Variants in TENM2 observed in about 807,000 individuals in gnomAD.
The protein encoded by TENM2 is teneurin transmembrane protein 2, also known as teneurin-2.
In TENM2, 52 loss-of-function variants were observed where a neutral mutation model predicts 245.2. That is an observed-to-expected ratio of 0.21 (90% CI 0.17 to 0.27). The LOEUF (loss-of-function observed/expected upper bound fraction) is 0.27. Among genes scored for constraint, TENM2 ranks in the 10% least tolerant of loss-of-function variants. The pLI, the probability that TENM2 is intolerant of heterozygous loss-of-function variation, is 1.00. For missense variants in TENM2, 3,046 were observed against 3,666.8 expected, an observed-to-expected ratio of 0.83 and a Z score of 4.37; for synonymous variants, 1,363 against 1,438.9, an observed-to-expected ratio of 0.95 and a Z score of 1.19.
chr5:167,438,618 C>T (rs998213502), intron 2 of TENM2, among the ~76,000 whole-genome samples: 2 of 152,056 alleles, frequency 1.3e-5, no homozygotes, highest in African/African-American at 2.4e-5. Flanking sequence ...AGGATGGTCT[C>T]GATCTCCTGA....
intron 2 of TENM2, among the ~76,000 whole-genome samples, chr5:167,640,874 T>TATATATATATATCC (rs1779539055): frequency 3.8e-5 from 2 of 53,014 alleles, no homozygotes; most frequent in South Asian, 6.2e-4. Context: ...TATATATATA[T>TATATATATATATCC]ATATATATAT....
intron 2 of TENM2, among the ~76,000 whole-genome samples, chr5:167,745,222 G>C (rs989159328): frequency 7.2e-5 from 11 of 152,214 alleles, no homozygotes; most frequent in African/African-American, 2.2e-4. Context: ...GGCTACCCCT[G>C]ATGGAGGCAA....
At chr5:167,502,885 A>G (rs1769299570) in intron 2 of TENM2, among the ~76,000 whole-genome samples, 1 of 152,202 alleles carries the variant, frequency 6.6e-6, no homozygotes, top group Non-Finnish European at 1.5e-5. Flanking sequence ...TGTATACACC[A>G]GCTTTTGAGA....
At chr5:168,068,014 T>C (rs975790633) in intron 7 of TENM2, among the ~76,000 whole-genome samples, 1 of 152,172 alleles carries the variant, frequency 6.6e-6, no homozygotes, top group Non-Finnish European at 1.5e-5. Context: ...CCTTGGTTTC[T>C]TCTGAACTGG....
chr5:167,045,104 C>A, the TENM2 span, among the ~76,000 whole-genome samples: 1 of 152,108 alleles, frequency 6.6e-6, no homozygotes, highest in East Asian at 1.9e-4. Flanking sequence ...AGCACAGATG[C>A]AAGCCTGCAT....
At chr5:167,089,957 G>T in the TENM2 span, among the ~76,000 whole-genome samples, 1 of 152,096 alleles carries the variant, frequency 6.6e-6, no homozygotes, top group Non-Finnish European at 1.5e-5. Flanking sequence ...TAGCTCAGGG[G>T]AGGAGCTACT....
chr5:167,567,388 C>T (rs1773972875), intron 2 of TENM2, among the ~76,000 whole-genome samples: 2 of 152,036 alleles, frequency 1.3e-5, no homozygotes, highest in African/African-American at 4.8e-5. Context: ...AGGTTTCTTC[C>T]ACAATGTTCT....
At chr5:168,239,692 T>G (rs1321797380) in intron 25 of TENM2, among the ~76,000 whole-genome samples, 3 of 152,234 alleles carry the variant, frequency 2.0e-5, no homozygotes, top group Admixed American at 6.5e-5. Flanking sequence ...TCATCCTTAT[T>G]ATGATAGTCA....
chr5:168,166,021 A>G (rs569030706), intron 13 of TENM2: 1 of 152,156 alleles, frequency 6.6e-6, no homozygotes, highest in South Asian at 2.1e-4. Context: ...TTTGCTGTTT[A>G]TTGATAAATA....
intron 2 of TENM2, among the ~76,000 whole-genome samples, chr5:167,523,334 A>C (rs1028638152): frequency 6.6e-6 from 1 of 152,130 alleles, no homozygotes; most frequent in Non-Finnish European, 1.5e-5. Flanking sequence ...CACGTGCATC[A>C]TTTCTGTGGG....
the TENM2 span, among the ~76,000 whole-genome samples, chr5:167,186,236 A>C: frequency 6.6e-6 from 1 of 152,172 alleles, no homozygotes; most frequent in African/African-American, 2.4e-5. Flanking sequence ...CATTTCAACA[A>C]AGAGAGGAAA....
chr5:167,210,226 A>G, the TENM2 span, among the ~76,000 whole-genome samples: 4 of 152,196 alleles, frequency 2.6e-5, no homozygotes, highest in Non-Finnish European at 5.9e-5. Context: ...TGCTTGATAC[A>G]AGACTGGAAC....
the TENM2 span, among the ~76,000 whole-genome samples, chr5:167,019,678 C>T: frequency 1.3e-5 from 2 of 151,874 alleles, no homozygotes; most frequent in Non-Finnish European, 2.9e-5. Flanking sequence ...CCATGTTGGC[C>T]CAGGTGGTCT....
chr5:167,247,015 A>T, the TENM2 span, among the ~76,000 whole-genome samples: 1 of 152,172 alleles, frequency 6.6e-6, no homozygotes, highest in Admixed American at 6.6e-5. Context: ...ATGATTGAAT[A>T]AAGCATAATT....
chr5:167,040,258 T>C, the TENM2 span, among the ~76,000 whole-genome samples: 1 of 152,036 alleles, frequency 6.6e-6, no homozygotes, highest in African/African-American at 2.4e-5. Context: ...TTCAGTGTAG[T>C]GCTCAGACCT....
chr5:167,926,024 G>A (rs779374811), intron 3 of TENM2, among the ~76,000 whole-genome samples: 1 of 152,126 alleles, frequency 6.6e-6, no homozygotes, highest in African/African-American at 2.4e-5. Flanking sequence ...ACGCCTGGGT[G>A]ATGAAATAAT....
intron 2 of TENM2, among the ~76,000 whole-genome samples, chr5:167,783,574 C>T (rs1311322953): frequency 1.3e-5 from 2 of 152,224 alleles, no homozygotes; most frequent in Non-Finnish European, 2.9e-5. Flanking sequence ...TACAGCTGCT[C>T]TTCAGCTCCG....
At chr5:168,151,535 C>T (rs1460432915) in intron 12 of TENM2, among the ~76,000 whole-genome samples, 2 of 152,172 alleles carry the variant, frequency 1.3e-5, no homozygotes, top group East Asian at 1.9e-4. Flanking sequence ...TAAATGTCAG[C>T]GACCCTCTGG....
chr5:167,061,357 G>A, the TENM2 span, among the ~76,000 whole-genome samples: 1 of 152,096 alleles, frequency 6.6e-6, no homozygotes, highest in Non-Finnish European at 1.5e-5. Flanking sequence ...TGCTCAGATC[G>A]CACTCATCCT....
Sources: gnomAD v4.1 joint callset for allele counts (sites outside exome capture counted in the v4.1 genomes callset) on GRCh38, gnomAD v4.1.1 for gene constraint, MANE v1.5 for transcripts, NCBI Gene and HGNC (gene_info 2026-07-23, HGNC 2026-07-21) for gene names.